Variants in TRAPPC10 observed in about 807,000 individuals in gnomAD.
TRAPPC10 encodes TRAPP 130 kDa subunit.
Under a neutral mutation model 125.5 loss-of-function variants are expected in TRAPPC10, and 23 were observed. That is an observed-to-expected ratio of 0.18 (90% CI 0.13 to 0.26). TRAPPC10 has a LOEUF of 0.26. Among genes scored for constraint, TRAPPC10 ranks in the 10% least tolerant of loss-of-function variants. TRAPPC10 has a pLI of 1.00. For missense variants in TRAPPC10, 1,123 were observed against 1,308.4 expected (o/e 0.86, Z 2.19); for synonymous variants, 509 against 518.0 (o/e 0.98, Z 0.24).
At chr21:44,079,338 T>C (rs1480807753) in intron 11 of TRAPPC10, 2 of 494,864 alleles carry the variant, frequency 4.0e-6, no homozygotes, top group East Asian at 3.5e-5. Context: ...TGTGCTCTTA[T>C]CACCACACGC....
intron 7 of TRAPPC10, among the ~76,000 whole-genome samples, chr21:44,070,770 G>C (rs1474159687): frequency 6.6e-6 from 1 of 152,178 alleles, no homozygotes; most frequent in Non-Finnish European, 1.5e-5. Context: ...GGGTGGCTCT[G>C]GCACTCTCTG....
chr21:44,086,694 C>A (rs1295421263), intron 15 of TRAPPC10, 108 bp from the exon 16 acceptor site: 2 of 1,249,502 alleles, frequency 1.6e-6, no homozygotes, highest in Admixed American at 2.0e-5. Context: ...CCCAAAGGAG[C>A]AAATCTTTCA....
At chr21:44,040,846 C>T (rs1189709108) in intron 3 of TRAPPC10, among the ~76,000 whole-genome samples, 4 of 151,238 alleles carry the variant, frequency 2.6e-5, no homozygotes. Context: ...AAACTCCTGG[C>T]CCCAAGTGAT....
intron 4 of TRAPPC10, 103 bp from the exon 5 acceptor site, chr21:44,055,595 G>T: frequency 1.2e-6 from 1 of 843,896 alleles, no homozygotes; most frequent in Non-Finnish European, 1.8e-6. Flanking sequence ...AAAAAAAAAG[G>T]AGGAGGAAGG....
rs1263237541 is a variant in TRAPPC10, at chr21:44,033,668, C to T, written c.149+1496C>T. On this transcript the variant is annotated intron_variant, in intron 2 of 22. Coordinates refer to ENST00000291574, the MANE Select transcript of TRAPPC10 (RefSeq NM_003274.5). ...TTGAGCCTAGGAGTTCAAGACCGGC[C>T]TGAGCAACATAGTGAAACCCCTGTC... Among the ~76,000 whole-genome samples, 5 of 152,062 alleles carry T rather than the reference C, an allele frequency of 3.3e-5. No individual in the cohort carries two copies. The East Asian group carries it at 9.6e-4, about 29-fold the overall frequency.
chr21:44,039,534 C>T (rs557249951), intron 3 of TRAPPC10, among the ~76,000 whole-genome samples: 15 of 152,324 alleles, frequency 9.8e-5, no homozygotes, highest in African/African-American at 3.6e-4. Flanking sequence ...TGCCTCTCCA[C>T]CCTTTACGCA....
chr21:44,072,342 C>A (rs570936797), intron 7 of TRAPPC10, among the ~76,000 whole-genome samples: 2 of 152,234 alleles, frequency 1.3e-5, no homozygotes, highest in South Asian at 4.1e-4. Flanking sequence ...CATCCAGCGT[C>A]CTCTGCCGCG....
intron 7 of TRAPPC10, among the ~76,000 whole-genome samples, chr21:44,064,070 C>T (rs76131466): frequency 0.058 from 8,863 of 152,268 alleles, 300 homozygotes; most frequent in Middle Eastern, 0.12. Context: ...TGTGCTGCTG[C>T]GTGAGCTGTC....
chr21:44,088,799 G>A (rs977213726), intron 17 of TRAPPC10: 108 of 146,806 alleles, frequency 7.4e-4, no homozygotes, highest in African/African-American at 2.6e-3. Flanking sequence ...CTCTTCCCTG[G>A]CGCTGGCGGC....
At chr21:44,041,465 C>T (rs748282837) in intron 3 of TRAPPC10, among the ~76,000 whole-genome samples, 2 of 152,114 alleles carry the variant, frequency 1.3e-5, no homozygotes, top group Non-Finnish European at 2.9e-5. Flanking sequence ...CAACCTCTGC[C>T]TCTTGGGTTC....
Position 44,083,198 on chromosome 21 carries a change from C to T in TRAPPC10, c.2134C>T (p.Leu712=), listed in dbSNP as rs1394736338. ...GAGAAGGCAGGAGAGCAGCTCCTCT[C>T]TAGAGATGCCCTCAGGGGTGGCTCT... ...LLRRQESSSS[L]EMPSGVALEE... The change falls in exon 14 of 23, where the codon CTA becomes TTA. Residue 712 remains leucine, a synonymous_variant. Transcript: ENST00000291574. 1 of 1,614,128 alleles carries T rather than the reference C, an allele frequency of 6.2e-7. No individual in the cohort carries two copies. The highest frequency in any genetic ancestry group is 1.3e-5 in the African/African-American group (1 of 74,952).
chr21:44,037,497 C>T (rs1293465161), intron 2 of TRAPPC10, among the ~76,000 whole-genome samples: 1 of 152,068 alleles, frequency 6.6e-6, no homozygotes, highest in Admixed American at 6.6e-5. Flanking sequence ...TGAAACCCAC[C>T]GTCGAGTCTG....
intron 8 of TRAPPC10, 69 bp from the exon 9 acceptor site, chr21:44,074,970 A>G: frequency 8.6e-7 from 1 of 1,158,696 alleles, no homozygotes; most frequent in African/African-American, 1.6e-5. Flanking sequence ...GAATTTTTAT[A>G]TTTAAATTCT....
chr21:44,064,611 T>C (rs2036302806), intron 7 of TRAPPC10, among the ~76,000 whole-genome samples: 1 of 152,166 alleles, frequency 6.6e-6, no homozygotes, highest in Non-Finnish European at 1.5e-5. Context: ...TGATGCTGTT[T>C]TGTAAACAAG....
intron 2 of TRAPPC10, among the ~76,000 whole-genome samples, chr21:44,036,981 A>G (rs1159787954): frequency 6.6e-6 from 1 of 152,230 alleles, no homozygotes; most frequent in Non-Finnish European, 1.5e-5. Context: ...GGACAGGGGA[A>G]AACTAGAGCC....
chr21:44,012,556 C>T lies in TRAPPC10; in HGVS notation c.63C>T (p.Val21=), dbSNP rs2031227232. The T allele has an allele frequency of 9.8e-6, 15 of 1,535,756 alleles. No individual in the cohort carries two copies. The highest frequency in any genetic ancestry group is 1.3e-5 in the Non-Finnish European group (15 of 1,139,400). ...ACACCATGGAGAACAAGCCCATCGTCACCTGTGAGTGCCCGGAGGCGGGGA... is the reference window on the plus strand; with the variant it reads ...ACACCATGGAGAACAAGCCCATCGTTACCTGTGAGTGCCCGGAGGCGGGGA... ...VIYTMENKPI[V]TCAGDQNLFT... The change falls in exon 1 of 23, where the codon GTC becomes GTT. Residue 21 remains valine (V), a synonymous_variant. Coordinates refer to ENST00000291574, the MANE Select transcript of TRAPPC10 (RefSeq NM_003274.5).
Position 44,079,493 on chromosome 21 carries a change from G to A in TRAPPC10, c.1470-71G>A. 5 of 1,523,288 alleles carry A rather than the reference G, an allele frequency of 3.3e-6. No homozygotes were observed. In the South Asian group the frequency reaches 6.6e-5, roughly 20 times the overall value. The allele number at this position is 1,523,288 out of a possible 1,614,324, so 94.4% of individuals were successfully genotyped here. A position where few individuals can be genotyped will look rare whatever the true frequency, so the allele number is the denominator to read the frequency against. On this transcript the variant is annotated intron_variant, in intron 11 of 22. Transcript: ENST00000291574. ...GGTCTGGAGGATGGAGGCCAAAGCG[G>A]GAGAGATGGGGTTTCAGTGTGTTGA...
At position 44,022,977 on chromosome 21, in the gene TRAPPC10, C is replaced by CT. The variant is rs367869241; in HGVS notation, c.68-9113dup. 3.8e-4 allele frequency among the ~76,000 whole-genome samples: 55 copies of CT among 146,558 alleles called. 1 individual carries two copies. The highest frequency in any genetic ancestry group is 1.3e-3 in the African/African-American group (53 of 39,696). ...TTGGCAGCCATTTATTTTCACATCACTAATTCCCTAAAGGTTGCAAAATGG... is the reference window on the plus strand; with the variant it reads ...TTGGCAGCCATTTATTTTCACATCACTTAATTCCCTAAAGGTTGCAAAATGG... On this transcript the variant is annotated intron_variant, in intron 1 of 22. Coordinates refer to ENST00000291574, the MANE Select transcript of TRAPPC10 (RefSeq NM_003274.5).
chr21:44,081,822 T>C (rs898478808), intron 13 of TRAPPC10, among the ~76,000 whole-genome samples: 1 of 152,076 alleles, frequency 6.6e-6, no homozygotes, highest in African/African-American at 2.4e-5. Context: ...TGGGCTGTAG[T>C]GAGCCAAGAT....
Sources: allele counts gnomAD v4.1 joint callset (sites outside exome capture counted in the v4.1 genomes callset), GRCh38; gene constraint gnomAD v4.1.1; transcripts MANE v1.5; gene names NCBI Gene and HGNC (gene_info 2026-07-23, HGNC 2026-07-21).